Variants in VWF observed in about 807,000 individuals in gnomAD.
VWF encodes the protein Factor VIII related antigen.
Under a neutral mutation model 308.6 loss-of-function variants are expected in VWF, and 176 were observed. The observed-to-expected ratio is 0.57, with a 90% CI of 0.50 to 0.65. The LOEUF (loss-of-function observed/expected upper bound fraction) is 0.65. Among genes scored for constraint, VWF ranks in the 30% least tolerant of loss-of-function variants. The pLI is 0.00. For missense variants in VWF, 3,146 were observed against 3,648.2 expected (o/e 0.86, Z 3.55); for synonymous variants, 1,385 against 1,443.4 (o/e 0.96, Z 0.92).
chr12:6,076,426 G>A (rs1218908864), intron 6 of VWF, among the ~76,000 whole-genome samples: 1 of 152,154 alleles, frequency 6.6e-6, no homozygotes, highest in Non-Finnish European at 1.5e-5. Flanking sequence ...GTAGGCTTTT[G>A]TTTCTGAGCG....
intron 3 of VWF, among the ~76,000 whole-genome samples, chr12:6,117,418 G>A (rs1295991828): frequency 6.6e-5 from 10 of 152,230 alleles, no homozygotes; most frequent in Non-Finnish European, 1.3e-4. Context: ...GGAAATGCCT[G>A]GGGGCCCAGC....
chr12:6,103,252 CAG>C (rs1945187702), intron 5 of VWF, among the ~76,000 whole-genome samples: 1 of 151,850 alleles, frequency 6.6e-6, no homozygotes, highest in South Asian at 2.1e-4. Context: ...GGCATGAACC[CAG>C]GAGGCGGAGC....
At chr12:6,057,712 A>G in intron 14 of VWF, 137 bp downstream of exon 14, 1 of 1,066,510 alleles carries the variant, frequency 9.4e-7, no homozygotes. Context: ...TGCTGACGGT[A>G]AAAACAAAGC....
chr12:6,097,981 CA>C (rs1284230704), intron 5 of VWF, among the ~76,000 whole-genome samples: 5 of 152,198 alleles, frequency 3.3e-5, no homozygotes, highest in African/African-American at 1.2e-4. Flanking sequence ...TCCTTATGTG[CA>C]AATAAGGAGT....
At chr12:6,004,926 C>T (rs931418179) in intron 34 of VWF, among the ~76,000 whole-genome samples, 3 of 152,076 alleles carry the variant, frequency 2.0e-5, no homozygotes, top group Non-Finnish European at 4.4e-5. Flanking sequence ...GACAAGTCAG[C>T]TTGAATAAGT....
At chr12:5,969,492 G>C in intron 44 of VWF, 101 bp from the exon 45 acceptor site, 1 of 1,429,038 alleles carries the variant, frequency 7.0e-7, no homozygotes, top group Admixed American at 1.9e-5. Context: ...TTCTAGACGT[G>C]AAGCCTGGCT....
chr12:6,002,146 G>A (rs1171890954), intron 34 of VWF, among the ~76,000 whole-genome samples: 1 of 151,748 alleles, frequency 6.6e-6, no homozygotes, highest in Non-Finnish European at 1.5e-5. Flanking sequence ...GAAAATGAAT[G>A]AAATTCCCAG....
intron 35 of VWF, among the ~76,000 whole-genome samples, chr12:5,995,588 C>G (rs968748464): frequency 6.6e-6 from 1 of 151,800 alleles, no homozygotes; most frequent in African/African-American, 2.4e-5. Context: ...AATTTTGGAG[C>G]CTGACGTTTT....
Position 5,949,960 on chromosome 12 carries a change from C to A in VWF, c.8156-77G>T, listed in dbSNP as rs539310104. The A allele has an allele frequency of 1.0e-5, 14 of 1,360,908 alleles. No individual in the cohort carries two copies. The African/African-American group carries it at 2.0e-4, about 19-fold the overall frequency. 84.3% of individuals were successfully genotyped at this position (1,360,908 alleles called of 1,614,324 possible). The stretch of plus-strand genomic sequence containing the variant: ...ACACTCTTCAGCCCCAGTGCCCTCA[C>A]TGGGCTGGAAATAGGTCCCTTTCAC... On this transcript the variant is annotated intron_variant, in intron 50 of 51. Coordinates refer to ENST00000261405, the MANE Select transcript of VWF (RefSeq NM_000552.5).
At chr12:6,053,298 C>T (rs1029356564) in intron 15 of VWF, among the ~76,000 whole-genome samples, 2 of 152,188 alleles carry the variant, frequency 1.3e-5, no homozygotes, top group East Asian at 1.9e-4. Flanking sequence ...TGCCTCATGC[C>T]GAGTTAGCTC....
chr12:6,066,041 A>C (rs1458925501), intron 10 of VWF, among the ~76,000 whole-genome samples: 1 of 152,206 alleles, frequency 6.6e-6, no homozygotes, highest in Admixed American at 6.5e-5. Context: ...TTCCCAGCCC[A>C]GGCTGACACA....
At chr12:5,988,236 G>T (rs538723691) in intron 38 of VWF, among the ~76,000 whole-genome samples, 27 of 152,288 alleles carry the variant, frequency 1.8e-4, no homozygotes, top group African/African-American at 6.3e-4. Context: ...AATGGAGGAG[G>T]CCCTGCCTCA....
At chr12:5,975,999 G>C (rs1257462301) in intron 43 of VWF, 112 bp downstream of exon 43, 5 of 1,461,404 alleles carry the variant, frequency 3.4e-6, no homozygotes, top group African/African-American at 2.9e-5. Context: ...CTGGGCGACA[G>C]AGCGAGTCTC....
At chr12:6,112,023 A>T (rs1281395359) in intron 3 of VWF, among the ~76,000 whole-genome samples, 3 of 152,198 alleles carry the variant, frequency 2.0e-5, no homozygotes, top group African/African-American at 7.2e-5. Context: ...CCAAGTCAGA[A>T]TCCCTGGGCT....
rs374656770 is a variant in VWF at position 6,059,960 on chromosome 12, T to C, written c.1534-1916A>G. ...CCCGCCTCTCAGCATCTTTTCTCTC[T>C]CCTTTCTCAGAGTTTGATGCTCCCC... On this transcript the variant is annotated intron_variant, in intron 13 of 51. Transcript: ENST00000261405. 6.6e-5 allele frequency among the ~76,000 whole-genome samples: 10 copies of C among 152,154 alleles called. No individual in the cohort carries two copies. In the South Asian group the frequency reaches 2.1e-3, roughly 32 times the overall value.
rs1591892146 is a variant in VWF at position 6,060,067 on chromosome 12, G to T, written c.1534-2023C>A. ...AAACCAGGTCTTCTCCCATCCCCTT[G>T]GCTTGTCTCGGAGGTCAGCTCGGCC... On this transcript the variant is annotated intron_variant, in intron 13 of 51. Transcript: ENST00000261405. The surrounding 1 kb of genome is among the most constrained non-coding windows in gnomAD (Gnocchi z 5.1). 6.6e-6 allele frequency among the ~76,000 whole-genome samples: 1 copy of T among 151,994 alleles called. No homozygotes were observed. Among genetic ancestry groups the T allele is most frequent in the Admixed American group, 6.5e-5 (1 of 15,270 alleles).
At chr12:6,082,689 C>T (rs888318256) in intron 6 of VWF, among the ~76,000 whole-genome samples, 1 of 152,234 alleles carries the variant, frequency 6.6e-6, no homozygotes, top group Non-Finnish European at 1.5e-5. Flanking sequence ...CTGTAAGTCA[C>T]TTGTCTTTTT....
At chr12:6,021,334 C>T (rs143942418) in intron 27 of VWF, 184 of 159,530 alleles carry the variant, frequency 1.2e-3, no homozygotes, top group South Asian at 7.0e-3. Flanking sequence ...CAGAGCTCAC[C>T]CTGAGGACTC....
intron 3 of VWF, among the ~76,000 whole-genome samples, chr12:6,113,366 C>T (rs1430569102): frequency 6.7e-6 from 1 of 150,278 alleles, no homozygotes; most frequent in African/African-American, 2.5e-5. Context: ...GGCGCGATCT[C>T]GGCTCACTGC....
Sources: allele counts gnomAD v4.1 joint callset (sites outside exome capture counted in the v4.1 genomes callset), GRCh38; gene constraint gnomAD v4.1.1; non-coding constraint Gnocchi (gnomAD v3.1); transcripts MANE v1.5; gene names NCBI Gene and HGNC (gene_info 2026-07-23, HGNC 2026-07-21).